NFE2L3: variants seen among roughly 807,000 people sequenced by gnomAD.
NFE2L3 encodes nuclear factor erythroid 2-related factor 3.
Under a neutral mutation model 23.5 loss-of-function variants are expected in NFE2L3, and 18 were observed. The ratio of observed to expected loss-of-function variants is 0.77; its 90% CI spans 0.53 to 1.13. NFE2L3 has a LOEUF of 1.13. NFE2L3 is among the 50% of genes most tolerant of loss of function. NFE2L3 has a pLI of 0.00. For missense variants in NFE2L3, 1,152 were observed against 877.2 expected (o/e 1.31, Z -3.96); for synonymous variants, 424 against 354.5 (o/e 1.20, Z -2.20).
Position 26,185,064 on chromosome 7 carries a change from A to G in NFE2L3, c.1366A>G (p.Ser456Gly), listed in dbSNP as rs1283829513. ...AGGTTATTGCACTGACCATGAATCTAGTTCCCATCATGACTTAGAAGGTGC... is the reference window on the plus strand; with the variant it reads ...AGGTTATTGCACTGACCATGAATCTGGTTCCCATCATGACTTAGAAGGTGC... ...AIGYCTDHES[S>G]SHHDLEGAVG... The change falls in exon 4 of 4, where the codon AGT becomes GGT. Residue 456 changes from serine (S) to glycine (G), a missense_variant. By Grantham distance (56) the Ser-to-Gly change is moderately conservative. Transcript: ENST00000056233. 5.0e-6 allele frequency: 8 copies of G among 1,613,674 alleles called. No homozygotes were observed. The highest frequency in any genetic ancestry group is 6.8e-6 in the Non-Finnish European group (8 of 1,179,718).
At chr7:26,183,641 TA>T in intron 2 of NFE2L3, 59 bp from the exon 3 acceptor site, 1 of 1,046,140 alleles carries the variant, frequency 9.6e-7, no homozygotes, top group Non-Finnish European at 1.5e-6. Flanking sequence ...AGATAAAGCC[TA>T]AAGCCCCAAC....
At chr7:26,168,518 T>TTATATGCA (rs1296917627) in intron 1 of NFE2L3, among the ~76,000 whole-genome samples, 2 of 145,456 alleles carry the variant, frequency 1.4e-5, no homozygotes, top group African/African-American at 5.1e-5. Context: ...TATTATATGA[T>TTATATGCA]TATATGCATA....
chr7:26,184,097 T>C (rs6461921), intron 3 of NFE2L3: 7,711 of 391,832 alleles, frequency 0.02, 571 homozygotes, highest in African/African-American at 0.15. Context: ...CCCATGTTTA[T>C]TGCAGCAATA....
intron 1 of NFE2L3, among the ~76,000 whole-genome samples, chr7:26,175,988 C>T (rs1373906709): frequency 6.6e-5 from 10 of 151,012 alleles, no homozygotes; most frequent in Non-Finnish European, 1.3e-4. Flanking sequence ...TCTGGTTTTC[C>T]TAGGCAGAGG....
intron 1 of NFE2L3, among the ~76,000 whole-genome samples, chr7:26,176,512 C>A (rs1026846038): frequency 1.7e-4 from 17 of 97,170 alleles, no homozygotes; most frequent in Non-Finnish European, 2.7e-4. Flanking sequence ...AGACGATGGG[C>A]AGCCGGGCAG....
Position 26,185,312 on chromosome 7 carries a change from T to A in NFE2L3, c.1614T>A (p.Asp538Glu). 6.2e-7 allele frequency: 1 copy of A among 1,614,180 alleles called. No homozygotes were observed. Among genetic ancestry groups the A allele is most frequent in the Admixed American group, 1.7e-5 (1 of 60,026 alleles). The change falls in exon 4 of 4, where the codon GAT (aspartate) becomes GAA (glutamate). Residue 538 changes from aspartate (D) to glutamate (E), a missense_variant. By Grantham distance (45) the Asp-to-Glu change is conservative. Transcript: ENST00000056233. Reference protein sequence around the residue: ...LEDTDRNLSRDEQRAKALHIP... With the variant: ...LEDTDRNLSREEQRAKALHIP... Reference sequence around the variant, plus strand: ...ACACAGATAGAAACTTGAGCCGTGATGAACAGCGTGCTAAAGCTTTGCATA... The same window carrying A: ...ACACAGATAGAAACTTGAGCCGTGAAGAACAGCGTGCTAAAGCTTTGCATA...
In NFE2L3 at chr7:26,152,345, C is replaced by G. The variant is rs1412048600; in HGVS notation, c.-154C>G. On this transcript the variant is annotated 5_prime_UTR_variant, in exon 1 of 4. Transcript: ENST00000056233. This position sits in a 1 kb window ranked among gnomAD's most constrained non-coding sequence, Gnocchi z 4.4. Reference sequence around the variant, plus strand: ...CGCCTTTGTGCCCGGTGCTGGGAACCCGCGACGGCCGCCACGCGCCCCGGT... The same window carrying G: ...CGCCTTTGTGCCCGGTGCTGGGAACGCGCGACGGCCGCCACGCGCCCCGGT... The G allele has an allele frequency of 9.6e-6, 4 of 417,584 alleles. No individual in the cohort carries two copies. The East Asian group carries it at 2.3e-4, about 24-fold the overall frequency. 25.9% of individuals were successfully genotyped at this position (417,584 alleles called of 1,614,324 possible).
chr7:26,155,703 G>T (rs1784071918), intron 1 of NFE2L3, among the ~76,000 whole-genome samples: 1 of 152,158 alleles, frequency 6.6e-6, no homozygotes, highest in Non-Finnish European at 1.5e-5. Flanking sequence ...ATAATGAAGA[G>T]GTTGCAATTT....
chr7:26,183,856 CCTT>C (rs776103916), intron 3 of NFE2L3, 72 bp downstream of exon 3: 2 of 973,624 alleles, frequency 2.1e-6, no homozygotes, highest in South Asian at 2.6e-5. Context: ...AAATACAACT[CCTT>C]TACTTGGATG....
At chr7:26,163,703 A>G (rs1784205407) in intron 1 of NFE2L3, among the ~76,000 whole-genome samples, 1 of 152,104 alleles carries the variant, frequency 6.6e-6, no homozygotes, top group East Asian at 1.9e-4. Context: ...CATGTGCACA[A>G]CTTGCAGGTT....
chr7:26,171,669 C>G (rs1177052644), intron 1 of NFE2L3, among the ~76,000 whole-genome samples: 2 of 152,030 alleles, frequency 1.3e-5, no homozygotes, highest in Admixed American at 6.5e-5. Context: ...CTAGCTAGCT[C>G]TTTCACTTAC....
chr7:26,165,100 TC>T (rs1188981226), intron 1 of NFE2L3, among the ~76,000 whole-genome samples: 1 of 152,256 alleles, frequency 6.6e-6, no homozygotes, highest in Non-Finnish European at 1.5e-5. Flanking sequence ...CCAGCTTTGT[TC>T]CTTTGGCTTA....
intron 1 of NFE2L3, among the ~76,000 whole-genome samples, chr7:26,171,916 G>A (rs1342199407): frequency 3.9e-5 from 6 of 152,144 alleles, no homozygotes; most frequent in Non-Finnish European, 5.9e-5. Context: ...TTTTACTGTC[G>A]TATTCCCAGC....
chr7:26,163,496 G>A (rs557902080), intron 1 of NFE2L3, among the ~76,000 whole-genome samples: 7 of 152,016 alleles, frequency 4.6e-5, no homozygotes, highest in Non-Finnish European at 7.4e-5. Flanking sequence ...ACAAGCGTGC[G>A]CTGCCAAGCC....
intron 1 of NFE2L3, chr7:26,174,860 A>G (rs1302155754): frequency 6.6e-6 from 1 of 152,204 alleles, no homozygotes; most frequent in Non-Finnish European, 1.5e-5. Context: ...AGAGCTTTTA[A>G]CATGATAGTT....
In NFE2L3 at chr7:26,185,271, A is replaced by G. The variant is rs1782452388; in HGVS notation, c.1573A>G (p.Ser525Gly). The change falls in exon 4 of 4, where the codon AGT (serine) becomes GGT (glycine). Residue 525 changes from serine (S) to glycine (G), a missense_variant. Ser to Gly is a moderately conservative substitution (Grantham distance 56). Coordinates refer to ENST00000056233, the MANE Select transcript of NFE2L3 (RefSeq NM_004289.7). ...GCCTGGGAAGTCACAGAAGATAAGG[A>G]GTAGATACCTTGAAGACACAGATAG... ...PWPGKSQKIR[S>G]RYLEDTDRNL... is the part of the protein sequence containing the mutation. 6.2e-7 allele frequency: 1 copy of G among 1,614,042 alleles called. No homozygotes were observed. The highest frequency in any genetic ancestry group is 1.7e-5 in the Admixed American group (1 of 60,006).
At chr7:26,177,681 AAATCT>A (rs1442901817) in intron 1 of NFE2L3, among the ~76,000 whole-genome samples, 1 of 152,238 alleles carries the variant, frequency 6.6e-6, no homozygotes, top group Admixed American at 6.5e-5. Flanking sequence ...ATTAATTTCC[AAATCT>A]AATCTAACTC....
intron 2 of NFE2L3, among the ~76,000 whole-genome samples, chr7:26,181,463 C>G (rs1157769802): frequency 6.6e-6 from 1 of 152,060 alleles, no homozygotes; most frequent in Non-Finnish European, 1.5e-5. Context: ...ACAATTCTAG[C>G]TACCCTTTAG....
At position 26,185,471 on chromosome 7, in the gene NFE2L3, T is replaced by A. The variant is rs747839586; in HGVS notation, c.1773T>A (p.Ala591=). The A allele has an allele frequency of 1.9e-6, 3 of 1,614,054 alleles. No homozygotes were observed. The highest frequency in any genetic ancestry group is 2.5e-6 in the Non-Finnish European group (3 of 1,179,894). ...GACGAAGAGGGAAAAATAAAGTTGC[T>A]GCGCAGAACTGTCGTAAACGCAAAT... is the stretch of plus-strand genomic sequence containing the variant. ...DIRRRGKNKV[A]AQNCRKRKLD... The change falls in exon 4 of 4, where the codon GCT becomes GCA. Residue 591 remains alanine, a synonymous_variant. Transcript: ENST00000056233.
Sources: gnomAD v4.1 joint callset for allele counts (sites outside exome capture counted in the v4.1 genomes callset) on GRCh38, gnomAD v4.1.1 for gene constraint, Gnocchi (gnomAD v3.1) non-coding constraint, MANE v1.5 for transcripts, NCBI Gene and HGNC (gene_info 2026-07-23, HGNC 2026-07-21) for gene names.